The following TULP4 variants were observed in gnomAD, a reference collection of about 807,000 sequenced individuals.
The protein encoded by TULP4 is tubby-related protein 4.
In TULP4, 16 loss-of-function variants were observed where a neutral mutation model predicts 129.0. The observed-to-expected ratio is 0.12, with a 90% confidence interval of 0.08 to 0.19. TULP4 has a LOEUF of 0.19. Among genes scored for constraint, TULP4 ranks in the 10% least tolerant of loss-of-function variants. The pLI is 1.00. For missense variants in TULP4, 1,842 were observed against 2,059.1 expected (o/e 0.89, Z 2.04); for synonymous variants, 998 against 854.0 (o/e 1.17, Z -2.94).
At chr6:158,375,267 A>C (rs1777158489) in intron 1 of TULP4, among the ~76,000 whole-genome samples, 1 of 152,186 alleles carries the variant, frequency 6.6e-6, no homozygotes, top group Non-Finnish European at 1.5e-5. Context: ...AAGTTAAGTA[A>C]TGAAGTTGGA....
intron 1 of TULP4, among the ~76,000 whole-genome samples, chr6:158,245,351 G>A (rs1778009189): frequency 2.0e-5 from 3 of 151,796 alleles, no homozygotes; most frequent in African/African-American, 7.3e-5. Context: ...TTAATATAAA[G>A]TATCATGTTA....
intron 10 of TULP4, among the ~76,000 whole-genome samples, 166 bp from the exon 11 acceptor site, chr6:158,494,587 C>G (rs938556215): frequency 1.3e-5 from 2 of 152,178 alleles, no homozygotes; most frequent in Non-Finnish European, 2.9e-5. Context: ...CCTGGCTGCC[C>G]TCGTTAGCTT....
chr6:158,281,013 ACT>A (rs1327433645), upstream of TULP4, among the ~76,000 whole-genome samples: 4 of 152,224 alleles, frequency 2.6e-5, no homozygotes, highest in African/African-American at 9.6e-5. Context: ...TAGCTTTTGC[ACT>A]CTCATTTCTT....
At chr6:158,321,070 C>G (rs1779617248) in intron 1 of TULP4, among the ~76,000 whole-genome samples, 1 of 152,042 alleles carries the variant, frequency 6.6e-6, no homozygotes, top group Non-Finnish European at 1.5e-5. Context: ...TTTTCTTTAA[C>G]TTTTTGGCCC....
chr6:158,422,788 T>C (rs341142), intron 2 of TULP4, among the ~76,000 whole-genome samples: 36,665 of 152,194 alleles, frequency 0.24, 5,679 homozygotes, highest in Non-Finnish European at 0.35. Flanking sequence ...CCATGTAGCC[T>C]GCGGAAAACG....
intron 1 of TULP4, among the ~76,000 whole-genome samples, chr6:158,243,537 A>G (rs1426850809): frequency 6.6e-6 from 1 of 151,886 alleles, no homozygotes; most frequent in Admixed American, 6.6e-5. Flanking sequence ...CTTTTAACCT[A>G]TAGGTTCTCT....
At chr6:158,495,213 C>T (rs575585277) in intron 11 of TULP4, among the ~76,000 whole-genome samples, 99 of 152,090 alleles carry the variant, frequency 6.5e-4, no homozygotes, top group African/African-American at 2.2e-3. Flanking sequence ...CCACCATGCC[C>T]GGCTAATTTT....
chr6:158,325,097 GA>G (rs1779716747), intron 1 of TULP4, among the ~76,000 whole-genome samples: 2 of 152,194 alleles, frequency 1.3e-5, no homozygotes, highest in African/African-American at 4.8e-5. Context: ...AAGACCATAA[GA>G]AGACTCTCAT....
intron 1 of TULP4, among the ~76,000 whole-genome samples, chr6:158,263,418 T>C (rs1778386706): frequency 6.6e-6 from 1 of 152,218 alleles, no homozygotes; most frequent in African/African-American, 2.4e-5. Context: ...ACTCCTGAGC[T>C]GCTAAAGACT....
At chr6:158,451,337 A>T (rs1779159020) in intron 4 of TULP4, among the ~76,000 whole-genome samples, 1 of 152,246 alleles carries the variant, frequency 6.6e-6, no homozygotes, top group Non-Finnish European at 1.5e-5. Context: ...AAGCAAAGCA[A>T]TAACTGGGCT....
intron 5 of TULP4, among the ~76,000 whole-genome samples, chr6:158,453,820 G>A (rs1310091551): frequency 6.6e-6 from 1 of 151,174 alleles, no homozygotes; most frequent in African/African-American, 2.4e-5. Context: ...AGGTGTGGTG[G>A]CGTGTGCCTA....
intron 1 of TULP4, among the ~76,000 whole-genome samples, chr6:158,270,402 T>G (rs1203555360): frequency 6.6e-6 from 1 of 152,198 alleles, no homozygotes; most frequent in East Asian, 1.9e-4. Context: ...GGATTTACCT[T>G]GTAGTATTGA....
intron 6 of TULP4, among the ~76,000 whole-genome samples, chr6:158,465,011 G>A (rs1019475899): frequency 3.3e-5 from 5 of 152,168 alleles, no homozygotes. Flanking sequence ...TCATAATCAC[G>A]TTGGAATTTG....
chr6:158,407,760 A>C (rs1259100323), intron 1 of TULP4, among the ~76,000 whole-genome samples: 1 of 152,250 alleles, frequency 6.6e-6, no homozygotes, highest in African/African-American at 2.4e-5. Context: ...GATTCCTTTT[A>C]TATGAAATGT....
At chr6:158,415,681 A>T (rs341154) in intron 2 of TULP4, among the ~76,000 whole-genome samples, 1 of 151,328 alleles carries the variant, frequency 6.6e-6, no homozygotes, top group Admixed American at 6.6e-5. Context: ...TTAAAAAAAA[A>T]AAAAAAAGTT....
intron 1 of TULP4, among the ~76,000 whole-genome samples, chr6:158,354,433 T>A (rs903068795): frequency 6.6e-6 from 1 of 152,232 alleles, no homozygotes; most frequent in Admixed American, 6.5e-5. Flanking sequence ...GTTACCACAT[T>A]TGTCGACTGG....
Position 158,502,961 on chromosome 6 carries a change from C to G in TULP4, c.3298C>G (p.Leu1100Val). The G allele has an allele frequency of 6.2e-7, 1 of 1,613,930 alleles. No homozygotes were observed. Reference sequence around the variant, plus strand: ...CGAGGCCCTGTCCCAGCACTGTCAGCTTGAGAAGCCCTTGAGGCACCCTCC... The same window carrying G: ...CGAGGCCCTGTCCCAGCACTGTCAGGTTGAGAAGCCCTTGAGGCACCCTCC... The part of the protein sequence containing the change: ...EDEALSQHCQ[L>V]EKPLRHPPLP... The change falls in exon 13 of 14, where the codon CTT becomes GTT. Residue 1100 changes from leucine to valine, a missense_variant. Coordinates refer to ENST00000367097, the MANE Select transcript of TULP4 (RefSeq NM_020245.5).
chr6:158,306,492 G>C (rs566971324), intron 1 of TULP4, among the ~76,000 whole-genome samples: 1 of 152,346 alleles, frequency 6.6e-6, no homozygotes, highest in East Asian at 1.9e-4. Flanking sequence ...TAGTTCGAGG[G>C]AGGTTGCAGT....
At chr6:158,237,210 G>T (rs1777727963) in intron 1 of TULP4, 3 of 729,068 alleles carry the variant, frequency 4.1e-6, no homozygotes, top group East Asian at 5.4e-5. Flanking sequence ...TGAAACACAA[G>T]GAATTATTTA....
Sources: allele counts gnomAD v4.1 joint callset (sites outside exome capture counted in the v4.1 genomes callset), GRCh38; gene constraint gnomAD v4.1.1; transcripts MANE v1.5; gene names NCBI Gene and HGNC (gene_info 2026-07-23, HGNC 2026-07-21).